Variants in DCTN4 observed in about 807,000 individuals in gnomAD.
DCTN4 encodes dynactin 4 (p62).
DCTN4 carries 23 observed loss-of-function variants against 62.7 expected under a neutral mutation model. The observed-to-expected ratio is 0.37, with a 90% CI of 0.26 to 0.52. The LOEUF is 0.52. DCTN4 is among the 20% of genes least tolerant of loss of function. The probability of loss-of-function intolerance (pLI) is 0.92; values close to 1 mark genes in which losing one functional copy is unlikely to be tolerated. For synonymous variants in DCTN4, 199 were observed against 202.1 expected (o/e 0.98, Z 0.13); for missense variants, 514 against 580.4 (o/e 0.89, Z 1.18).
At chr5:150,756,161 C>T (rs559605586) in intron 2 of DCTN4, among the ~76,000 whole-genome samples, 1 of 151,834 alleles carries the variant, frequency 6.6e-6, no homozygotes, top group African/African-American at 2.4e-5. Context: ...TCTGCCTCAG[C>T]CTCCCAAGTA....
intron 2 of DCTN4, among the ~76,000 whole-genome samples, chr5:150,754,610 A>G (rs1231404169): frequency 6.6e-6 from 1 of 152,186 alleles, no homozygotes; most frequent in Non-Finnish European, 1.5e-5. Context: ...GGTTTCTAAG[A>G]CTATTCTCCA....
At chr5:150,723,012 A>C in intron 8 of DCTN4, 32 bp from the exon 9 acceptor site, 1 of 1,478,660 alleles carries the variant, frequency 6.8e-7, no homozygotes. Context: ...CACGTATCAG[A>C]AGACAACAAC....
At chr5:150,711,429 G>A in intron 12 of DCTN4, 67 bp from the exon 13 acceptor site, 2 of 1,256,510 alleles carry the variant, frequency 1.6e-6, no homozygotes, top group Non-Finnish European at 1.1e-6. Flanking sequence ...AAGACTTACA[G>A]TAAAAGTCTT....
At chr5:150,758,389 G>C in intron 1 of DCTN4, 2 of 987,728 alleles carry the variant, frequency 2.0e-6, no homozygotes, top group Non-Finnish European at 2.4e-6. Flanking sequence ...CCTGAGTCAG[G>C]AACAGGGCAA....
chr5:150,723,041 G>C (rs745723482), intron 8 of DCTN4, 61 bp from the exon 9 acceptor site: 3 of 1,238,276 alleles, frequency 2.4e-6, no homozygotes, highest in African/African-American at 3.0e-5. Context: ...TTGATCCATA[G>C]AGCTGCTAAA....
Position 150,711,246 on chromosome 5 carries a change from G to A in DCTN4, c.1286C>T (p.Ala429Val), listed in dbSNP as rs777764712. Reference sequence around the variant, plus strand: ...TTCTTCAATGGGGCGAATGGGGGCTGCCAGGTTTTTAAAATCATGCTTCAT... The same window carrying A: ...TTCTTCAATGGGGCGAATGGGGGCTACCAGGTTTTTAAAATCATGCTTCAT... ...FKMKHDFKNLAAPIRPIEESD... is the reference protein window; with the variant it reads ...FKMKHDFKNLVAPIRPIEESD... Residue 429 changes from alanine to valine, a missense_variant, in exon 13 of 13, where the codon GCA becomes GTA. Transcript: ENST00000447998. 6.2e-7 allele frequency: 1 copy of A among 1,613,168 alleles called. No individual in the cohort carries two copies. The highest frequency in any genetic ancestry group is 8.5e-7 in the Non-Finnish European group (1 of 1,180,016).
At chr5:150,735,094 C>T (rs1760527175) in intron 4 of DCTN4, among the ~76,000 whole-genome samples, 1 of 152,150 alleles carries the variant, frequency 6.6e-6, no homozygotes, top group African/African-American at 2.4e-5. Context: ...GCTTTATGGC[C>T]CCACTGATCA....
At chr5:150,738,651 A>C (rs1033081747) in intron 4 of DCTN4, among the ~76,000 whole-genome samples, 1 of 152,212 alleles carries the variant, frequency 6.6e-6, no homozygotes, top group African/African-American at 2.4e-5. Context: ...CAGAGCCAAC[A>C]TTATACTGAA....
At chr5:150,735,070 G>A (rs1441199735) in intron 4 of DCTN4, among the ~76,000 whole-genome samples, 2 of 152,184 alleles carry the variant, frequency 1.3e-5, no homozygotes, top group African/African-American at 4.8e-5. Context: ...ACAAAAGACT[G>A]TAAACTCTTG....
intron 11 of DCTN4, among the ~76,000 whole-genome samples, chr5:150,716,971 T>C (rs1561688776): frequency 1.3e-5 from 2 of 151,108 alleles, no homozygotes; most frequent in East Asian, 3.9e-4. Context: ...TATCTCTCTT[T>C]GGAGGTGATG....
In DCTN4 at chr5:150,733,522, CA is replaced by C. The variant is rs1444728014; in HGVS notation, c.430-48del. 16 of 1,394,232 alleles carry C rather than the reference CA, an allele frequency of 1.1e-5. No homozygotes were observed. In the South Asian group the frequency reaches 1.8e-4, roughly 15 times the overall value. 86.4% of individuals were successfully genotyped at this position (1,394,232 alleles called of 1,614,324 possible). On this transcript the variant is annotated intron_variant, in intron 4 of 12. Coordinates refer to ENST00000447998, the MANE Select transcript of DCTN4 (RefSeq NM_016221.4). ...AGTACACAAAAAAGCTAACAGAAAA[CA>C]TATCAAATTAATCAACTACACTGAC...
At chr5:150,733,556 A>T in intron 4 of DCTN4, 81 bp from the exon 5 acceptor site, 1 of 939,438 alleles carries the variant, frequency 1.1e-6, no homozygotes, top group Admixed American at 2.5e-5. Flanking sequence ...GACTAGACAC[A>T]TAATGAATAG....
intron 3 of DCTN4, among the ~76,000 whole-genome samples, chr5:150,742,377 T>C (rs909729650): frequency 1.3e-5 from 2 of 152,236 alleles, no homozygotes; most frequent in African/African-American, 2.4e-5. Context: ...TGCCAGGCAC[T>C]TGAAATGTAT....
chr5:150,758,176 G>C, intron 1 of DCTN4: 2 of 985,478 alleles, frequency 2.0e-6, no homozygotes, highest in South Asian at 4.7e-5. Context: ...GAAGTTTTGG[G>C]GTTTTGTTAT....
intron 9 of DCTN4, among the ~76,000 whole-genome samples, chr5:150,720,392 C>T (rs887894070): frequency 6.6e-5 from 10 of 151,458 alleles, no homozygotes; most frequent in African/African-American, 2.4e-4. Context: ...CACACACACA[C>T]AAAAGCAACA....
chr5:150,743,425 C>T (rs1012062545), intron 3 of DCTN4, among the ~76,000 whole-genome samples: 1 of 152,260 alleles, frequency 6.6e-6, no homozygotes, highest in Non-Finnish European at 1.5e-5. Flanking sequence ...ATGTCCCTGT[C>T]TGACAGCTTT....
intron 12 of DCTN4, among the ~76,000 whole-genome samples, chr5:150,712,739 C>T (rs1206103386): frequency 6.6e-6 from 1 of 152,198 alleles, no homozygotes; most frequent in South Asian, 2.1e-4. Context: ...AATTTCCCCT[C>T]ATTTGTGCAT....
chr5:150,714,086 C>G (rs1485727331), intron 12 of DCTN4, among the ~76,000 whole-genome samples: 1 of 152,152 alleles, frequency 6.6e-6, no homozygotes, highest in Non-Finnish European at 1.5e-5. Context: ...CCATTGCACT[C>G]CAGCCTGGGC....
intron 9 of DCTN4, among the ~76,000 whole-genome samples, chr5:150,722,052 A>T (rs1273878272): frequency 6.6e-6 from 1 of 152,020 alleles, no homozygotes. Context: ...TCTTCAACTC[A>T]TGGGCTCAAG....
Sources: gnomAD v4.1 joint callset for allele counts (sites outside exome capture counted in the v4.1 genomes callset) on GRCh38, gnomAD v4.1.1 for gene constraint, MANE v1.5 for transcripts, NCBI Gene and HGNC (gene_info 2026-07-23, HGNC 2026-07-21) for gene names.